The following MGAT4C variants were observed in gnomAD, a reference collection of about 807,000 sequenced individuals.
The protein encoded by MGAT4C is alpha-1,3-mannosyl-glycoprotein 4-beta-N-acetylglucosaminyltransferase C.
A neutral mutation model predicts 40.1 loss-of-function variants in MGAT4C; 19 were observed. The observed-to-expected ratio is 0.47, with a 90% CI of 0.33 to 0.70. The LOEUF is 0.70. MGAT4C is among the 30% of genes least tolerant of loss of function. MGAT4C has a pLI of 0.02. For synonymous variants in MGAT4C, 181 were observed against 187.1 expected (o/e 0.97, Z 0.27); for missense variants, 491 against 563.2 (o/e 0.87, Z 1.30).
chr12:86,320,963 G>A (rs1262782388), intron 4 of MGAT4C, among the ~76,000 whole-genome samples: 1 of 151,666 alleles, frequency 6.6e-6, no homozygotes, highest in Non-Finnish European at 1.5e-5. Flanking sequence ...TCCCATTCTT[G>A]CTCCTAAACA....
chr12:86,135,765 T>C (rs1297069471), intron 1 of MGAT4C, among the ~76,000 whole-genome samples: 2 of 152,328 alleles, frequency 1.3e-5, no homozygotes, highest in South Asian at 2.1e-4. Context: ...CATCTTAATG[T>C]TGTATAGAAG....
In MGAT4C at chr12:85,968,339, G is replaced by A. The variant is rs1490362105; in HGVS notation, c.*10950C>T. 6.6e-6 allele frequency: 1 copy of A among 151,934 alleles called. No homozygotes were observed. Among genetic ancestry groups the A allele is most frequent in the Non-Finnish European group, 1.5e-5 (1 of 67,904 alleles). 9.4% of individuals were successfully genotyped at this position (151,934 alleles called of 1,614,324 possible). ...CAAAGATGTCATCATTAGATTTTATGTGTTAAAAAGTGGATTTATAGTCTC... is the reference window on the plus strand; with the variant it reads ...CAAAGATGTCATCATTAGATTTTATATGTTAAAAAGTGGATTTATAGTCTC... On this transcript the variant is annotated 3_prime_UTR_variant, in exon 5 of 5. Transcript: ENST00000611864.
chr12:86,039,744 C>T (rs527515208), intron 2 of MGAT4C, among the ~76,000 whole-genome samples: 1 of 152,252 alleles, frequency 6.6e-6, no homozygotes, highest in African/African-American at 2.4e-5. Context: ...AACTCATTCT[C>T]CATCCAATTT....
chr12:86,526,435 G>A (rs1003282298), intron 2 of MGAT4C, among the ~76,000 whole-genome samples: 1 of 152,168 alleles, frequency 6.6e-6, no homozygotes, highest in Non-Finnish European at 1.5e-5. Flanking sequence ...CTGGGAAGCT[G>A]CAGTGTGAGG....
intron 2 of MGAT4C, among the ~76,000 whole-genome samples, chr12:86,480,287 G>A (rs1000078311): frequency 6.6e-6 from 1 of 151,666 alleles, no homozygotes; most frequent in Non-Finnish European, 1.5e-5. Flanking sequence ...AAACAAGAGA[G>A]GAAATATGTC....
At chr12:86,492,039 A>G (rs1958148072) in intron 2 of MGAT4C, among the ~76,000 whole-genome samples, 1 of 152,202 alleles carries the variant, frequency 6.6e-6, no homozygotes, top group Admixed American at 6.5e-5. Context: ...GTGAACTCCC[A>G]TTCACAATTG....
intron 1 of MGAT4C, among the ~76,000 whole-genome samples, chr12:86,239,405 C>CGTCT (rs1566200732): frequency 2.7e-5 from 4 of 150,646 alleles, no homozygotes; most frequent in African/African-American, 7.3e-5. Context: ...AAGCCACAGC[C>CGTCT]ATCTCTCTCT....
chr12:86,076,628 T>C (rs558049828), intron 1 of MGAT4C, among the ~76,000 whole-genome samples: 6 of 152,076 alleles, frequency 3.9e-5, no homozygotes, highest in Non-Finnish European at 7.4e-5. Context: ...AGCCACTTCT[T>C]ACAGGGCGGT....
At chr12:86,005,729 T>C (rs988317716) in intron 2 of MGAT4C, among the ~76,000 whole-genome samples, 7 of 152,176 alleles carry the variant, frequency 4.6e-5, no homozygotes, top group Middle Eastern at 3.2e-3. Flanking sequence ...TAACCTGAGA[T>C]TCCTTATGAA....
intron 4 of MGAT4C, among the ~76,000 whole-genome samples, chr12:86,292,703 G>A (rs1034326920): frequency 7.4e-4 from 113 of 152,070 alleles, no homozygotes; most frequent in Non-Finnish European, 2.2e-4. Context: ...ACCTTAATTG[G>A]TATAATTGAT....
chr12:86,589,906 T>C (rs1450483071), intron 2 of MGAT4C, among the ~76,000 whole-genome samples: 1 of 151,926 alleles, frequency 6.6e-6, no homozygotes, highest in Admixed American at 6.6e-5. Flanking sequence ...CAGATGGCTA[T>C]CCAATGATTC....
intron 4 of MGAT4C, among the ~76,000 whole-genome samples, chr12:86,298,602 G>A (rs1953736771): frequency 6.6e-6 from 1 of 152,034 alleles, no homozygotes; most frequent in South Asian, 2.1e-4. Context: ...ATATGGCAAA[G>A]CTTAAATAAT....
chr12:86,732,828 CA>C (rs5799792), intron 1 of MGAT4C, among the ~76,000 whole-genome samples: 7,436 of 75,796 alleles, frequency 0.098, 182 homozygotes, highest in Non-Finnish European at 0.11. Context: ...TTTTCTCCAG[CA>C]AAAAAAAAAA....
intron 1 of MGAT4C, among the ~76,000 whole-genome samples, chr12:86,067,721 G>A (rs763234123): frequency 2.6e-5 from 4 of 151,970 alleles, no homozygotes; most frequent in Non-Finnish European, 4.4e-5. Context: ...AAGAGACAGT[G>A]AAAGTGCAAA....
intron 2 of MGAT4C, among the ~76,000 whole-genome samples, chr12:86,534,452 A>C (rs1318617608): frequency 6.6e-6 from 1 of 151,998 alleles, no homozygotes; most frequent in Non-Finnish European, 1.5e-5. Context: ...AAATGTATGA[A>C]ATCAAACTGT....
intron 1 of MGAT4C, among the ~76,000 whole-genome samples, chr12:86,159,103 C>T (rs1381836843): frequency 6.6e-6 from 1 of 152,058 alleles, no homozygotes; most frequent in Non-Finnish European, 1.5e-5. Context: ...GCATCCTTGT[C>T]TTTTTCCAGT....
At chr12:86,033,701 C>T (rs553458379) in intron 2 of MGAT4C, among the ~76,000 whole-genome samples, 3 of 149,240 alleles carry the variant, frequency 2.0e-5, no homozygotes, top group African/African-American at 7.3e-5. Flanking sequence ...TCTGCAAAAA[C>T]GGATCGTTTG....
chr12:86,553,565 T>A (rs1032260379), intron 2 of MGAT4C, among the ~76,000 whole-genome samples: 3 of 152,122 alleles, frequency 2.0e-5, no homozygotes, highest in Non-Finnish European at 4.4e-5. Context: ...AGAAACTTGT[T>A]CTATAATCGT....
intron 2 of MGAT4C, among the ~76,000 whole-genome samples, chr12:86,589,797 C>A (rs894195899): frequency 6.6e-6 from 1 of 151,970 alleles, no homozygotes; most frequent in South Asian, 2.1e-4. Context: ...GAACCCAAGA[C>A]AAAAACCACA....
Sources: allele counts gnomAD v4.1 joint callset (sites outside exome capture counted in the v4.1 genomes callset), GRCh38; gene constraint gnomAD v4.1.1; transcripts MANE v1.5; gene names NCBI Gene and HGNC (gene_info 2026-07-23, HGNC 2026-07-21).